PPP2R1B: variants seen among roughly 807,000 people sequenced by gnomAD.
PPP2R1B encodes the protein protein phosphatase 2 scaffold subunit Abeta.
A neutral mutation model predicts 72.7 loss-of-function variants in PPP2R1B; 58 were observed. That is an observed-to-expected ratio of 0.80 (90% CI 0.65 to 0.99). PPP2R1B has a LOEUF of 0.99. PPP2R1B is among the 50% of genes least tolerant of loss of function. The pLI is 0.00. For synonymous variants in PPP2R1B, 256 were observed against 264.6 expected (o/e 0.97, Z 0.32); for missense variants, 695 against 733.6 (o/e 0.95, Z 0.61).
intron 5 of PPP2R1B, among the ~76,000 whole-genome samples, chr11:111,759,347 A>G (rs1945240169): frequency 6.6e-6 from 1 of 152,240 alleles, no homozygotes; most frequent in African/African-American, 2.4e-5. Context: ...AGAGATCTAG[A>G]TCTTCAGAAT....
downstream of PPP2R1B, among the ~76,000 whole-genome samples, chr11:111,734,059 T>C (rs1292680350): frequency 6.6e-6 from 1 of 152,138 alleles, no homozygotes; most frequent in Non-Finnish European, 1.5e-5. Flanking sequence ...CAGTGGTAAC[T>C]TGGAGCACAG....
the PPP2R1B span, among the ~76,000 whole-genome samples, chr11:111,710,395 T>G: frequency 2.0e-5 from 3 of 152,236 alleles, no homozygotes; most frequent in Non-Finnish European, 4.4e-5. Flanking sequence ...TAATGCTACT[T>G]TATCTTATAC....
rs117554466 is a variant in PPP2R1B at position 111,766,226 on chromosome 11, G to C, written c.114+22C>G. The C allele has an allele frequency of 8.3e-3, 13,371 of 1,612,316 alleles. 69 individuals are homozygous for C. The highest frequency in any genetic ancestry group is 0.025 in the Middle Eastern group (151 of 6,050). ...ACGCGACCAGCCGGTCTCGCCTCGG[G>C]TCCCCGGCCTCAGTCCAGTACCTGC... On this transcript the variant is annotated intron_variant, in intron 1 of 14. Transcript: ENST00000527614.
chr11:111,765,296 G>A lies in PPP2R1B; in HGVS notation c.203C>T (p.Thr68Ile). The A allele has an allele frequency of 6.2e-7, 1 of 1,608,070 alleles. No individual in the cohort carries two copies. Among genetic ancestry groups the A allele is most frequent in the Non-Finnish European group, 8.5e-7 (1 of 1,174,684 alleles). ...RTRSELLPFLTDTIYDEDEVL... is the reference protein window; with the variant it reads ...RTRSELLPFLIDTIYDEDEVL... ...TCTTTAAACAAAGATTCACATACCTGTAAGAAATGGCAACAATTCACTTCG... is the reference window on the plus strand; with the variant it reads ...TCTTTAAACAAAGATTCACATACCTATAAGAAATGGCAACAATTCACTTCG... Residue 68 changes from threonine to isoleucine, a missense_variant and splice_region_variant, in exon 2 of 15, where the codon ACA becomes ATA. By Grantham distance (89) the Thr-to-Ile change is moderately conservative. Coordinates refer to ENST00000527614, the MANE Select transcript of PPP2R1B (RefSeq NM_002716.5).
intron 5 of PPP2R1B, among the ~76,000 whole-genome samples, chr11:111,758,841 A>T (rs1334572212): frequency 1.3e-5 from 2 of 152,152 alleles, no homozygotes; most frequent in African/African-American, 4.8e-5. Context: ...CATTTTGTAC[A>T]TTTATTATTA....
chr11:111,750,715 A>T (rs1944871261), intron 10 of PPP2R1B, among the ~76,000 whole-genome samples: 1 of 152,192 alleles, frequency 6.6e-6, no homozygotes, highest in South Asian at 2.1e-4. Flanking sequence ...CCAGCTTTGA[A>T]ATTTTAACTA....
chr11:111,745,432 C>A (rs1198786865), intron 11 of PPP2R1B, among the ~76,000 whole-genome samples: 2 of 152,136 alleles, frequency 1.3e-5, no homozygotes, highest in Non-Finnish European at 2.9e-5. Flanking sequence ...GCCAGAAAAA[C>A]CAGAGACTGG....
At chr11:111,761,334 T>C (rs1555051409) in intron 3 of PPP2R1B, 3 of 503,904 alleles carry the variant, frequency 6.0e-6, no homozygotes, top group Admixed American at 2.6e-5. Context: ...AATATTAATA[T>C]TACTGTGAGT....
the PPP2R1B span, among the ~76,000 whole-genome samples, chr11:111,688,841 CATATATAAAA>C: frequency 1.3e-5 from 2 of 152,018 alleles, no homozygotes; most frequent in African/African-American, 4.8e-5. This position sits in a 1 kb window ranked among gnomAD's most constrained non-coding sequence, Gnocchi z 4.2. Flanking sequence ...ACAACATATC[CATATATAAAA>C]ATAGCATGTA....
the PPP2R1B span, among the ~76,000 whole-genome samples, chr11:111,707,533 TC>T: frequency 5.3e-3 from 803 of 152,304 alleles, 11 homozygotes; most frequent in East Asian, 0.026. Flanking sequence ...AATGGAGTCT[TC>T]AATGCTCATT....
At chr11:111,722,352 C>A (rs1405631313), downstream of PPP2R1B, among the ~76,000 whole-genome samples, 1 of 152,236 alleles carries the variant, frequency 6.6e-6, no homozygotes, top group African/African-American at 2.4e-5. This position sits in a 1 kb window ranked among gnomAD's most constrained non-coding sequence, Gnocchi z 4.4. Flanking sequence ...ATCATTCATT[C>A]AGCGGGTGCT....
the PPP2R1B span, among the ~76,000 whole-genome samples, chr11:111,707,873 T>A: frequency 6.6e-6 from 1 of 152,164 alleles, no homozygotes; most frequent in African/African-American, 2.4e-5. Context: ...TTCGGGCAAG[T>A]CAGCGTCTCT....
At chr11:111,718,245 T>C in the PPP2R1B span, among the ~76,000 whole-genome samples, 6 of 152,204 alleles carry the variant, frequency 3.9e-5, no homozygotes, top group Admixed American at 3.3e-4. Context: ...TTTAGAAAAT[T>C]GTATTAGTAG....
Position 111,752,198 on chromosome 11 carries a change from C to G in PPP2R1B, c.1299G>C (p.Leu433=), listed in dbSNP as rs782730147. 6.2e-7 allele frequency: 1 copy of G among 1,613,700 alleles called. No individual in the cohort carries two copies. The highest frequency in any genetic ancestry group is 8.5e-7 in the Non-Finnish European group (1 of 1,179,886). Residue 433 remains leucine, a synonymous_variant, in exon 10 of 15, where the codon CTG becomes CTC. Transcript: ENST00000527614. The part of the protein sequence containing the change: ...LAEDAKWRVR[L]AIIEYMPLLA... ...GCAGCGGCATATACTCAATGATGGC[C>G]AGGCGGACCCTCCATTTGGCATCTT...
the PPP2R1B span, among the ~76,000 whole-genome samples, chr11:111,715,951 G>C: frequency 6.6e-6 from 1 of 151,830 alleles, no homozygotes; most frequent in Non-Finnish European, 1.5e-5. Flanking sequence ...ACAGGCGCCT[G>C]CCACCACACC....
intron 9 of PPP2R1B, among the ~76,000 whole-genome samples, 166 bp downstream of exon 9, chr11:111,753,277 G>A (rs1261769540): frequency 1.3e-5 from 2 of 152,118 alleles, no homozygotes; most frequent in African/African-American, 4.8e-5. Context: ...ACTTTCTGAG[G>A]AACCTATAAC....
At chr11:111,735,004 G>T (rs932230806), downstream of PPP2R1B, among the ~76,000 whole-genome samples, 1 of 152,212 alleles carries the variant, frequency 6.6e-6, no homozygotes, top group Non-Finnish European at 1.5e-5. Flanking sequence ...GAAGAGACCC[G>T]CATCGAAAGG....
intron 5 of PPP2R1B, 37 bp from the exon 6 acceptor site, chr11:111,755,487 T>C (rs372537312): frequency 9.6e-6 from 15 of 1,569,274 alleles, no homozygotes; most frequent in African/African-American, 2.7e-5. Context: ...AGACATTTAC[T>C]GAGACCCATG....
chr11:111,736,379 C>T (rs187344160), downstream of PPP2R1B, among the ~76,000 whole-genome samples: 2 of 152,314 alleles, frequency 1.3e-5, no homozygotes, highest in East Asian at 3.9e-4. Flanking sequence ...TGTAGGAAGA[C>T]GTAACCCCTT....
Sources: allele counts gnomAD v4.1 joint callset (sites outside exome capture counted in the v4.1 genomes callset), GRCh38; gene constraint gnomAD v4.1.1; non-coding constraint Gnocchi (gnomAD v3.1); transcripts MANE v1.5; gene names NCBI Gene and HGNC (gene_info 2026-07-23, HGNC 2026-07-21).